Variants in ADGB observed in about 807,000 individuals in gnomAD.
ADGB encodes the protein androglobin.
A neutral mutation model predicts 210.5 loss-of-function variants in ADGB; 172 were observed. The observed-to-expected ratio is 0.82, with a 90% CI of 0.72 to 0.93. ADGB has a LOEUF of 0.93. Ranked by LOEUF, ADGB falls within the 40% of genes least tolerant of loss-of-function variation. The pLI is 0.00. For missense variants in ADGB, 2,025 were observed against 1,964.8 expected (o/e 1.03, Z -0.58); for synonymous variants, 658 against 662.7 (o/e 0.99, Z 0.11).
At chr6:146,781,171 C>CAAAAAAA (rs71031009) in intron 29 of ADGB, among the ~76,000 whole-genome samples, 4 of 90,980 alleles carry the variant, frequency 4.4e-5, no homozygotes, top group Non-Finnish European at 6.3e-5. Context: ...ACTAAAAATA[C>CAAAAAAA]AAAAAAAAAA....
intron 14 of ADGB, 88 bp downstream of exon 14, chr6:146,715,503 T>C: frequency 1.1e-6 from 1 of 871,852 alleles, no homozygotes; most frequent in East Asian, 3.1e-5. Flanking sequence ...CCCTTCTGGC[T>C]CTCAGCAGCC....
In ADGB at chr6:146,717,524, T is replaced by C; in HGVS notation, c.1929-12T>C. On this transcript the variant is annotated splice_polypyrimidine_tract_variant and intron_variant, in intron 15 of 35. Transcript: ENST00000397944. Reference sequence around the variant, plus strand: ...TAATGACAATAACCTGTTAAAAATGTCTTTCTTTCAGAAATATATATATTT... The same window carrying C: ...TAATGACAATAACCTGTTAAAAATGCCTTTCTTTCAGAAATATATATATTT... The C allele has an allele frequency of 1.5e-6, 2 of 1,339,090 alleles. No individual in the cohort carries two copies. Among genetic ancestry groups the C allele is most frequent in the Non-Finnish European group, 2.0e-6 (2 of 978,190 alleles). 83.0% of individuals were successfully genotyped at this position (1,339,090 alleles called of 1,614,324 possible).
intron 35 of ADGB, chr6:146,802,668 C>T: frequency 4.5e-6 from 4 of 889,810 alleles, no homozygotes; most frequent in Non-Finnish European, 6.7e-6. Context: ...CATTATGTGG[C>T]TTTTTAAAAG....
intron 23 of ADGB, among the ~76,000 whole-genome samples, chr6:146,736,845 C>T (rs535884544): frequency 3.6e-4 from 55 of 152,158 alleles, no homozygotes; most frequent in African/African-American, 1.3e-3. Flanking sequence ...TTAAATCTTA[C>T]GGTACTGAGA....
chr6:146,660,295 C>T (rs1390827165), intron 5 of ADGB, among the ~76,000 whole-genome samples: 6 of 151,994 alleles, frequency 3.9e-5, no homozygotes, highest in Admixed American at 3.9e-4. Context: ...TACTTTGTTC[C>T]AAAATGGAAA....
At chr6:146,703,292 CAT>C (rs1776519197) in intron 13 of ADGB, among the ~76,000 whole-genome samples, 2 of 151,666 alleles carry the variant, frequency 1.3e-5, no homozygotes, top group African/African-American at 2.4e-5. Context: ...TAGTGTAAAA[CAT>C]GATGTTTTGA....
At position 146,656,753 on chromosome 6, in the gene ADGB, A is replaced by C; in HGVS notation, c.403-18A>C. On this transcript the variant is annotated intron_variant, in intron 4 of 35. Transcript: ENST00000397944. ...AACTGAAAAATAACCAATTAACCCT[A>C]ATGTTTTTTATCTCTAGCTGATGAG... is the stretch of plus-strand genomic sequence containing the variant. 6.7e-7 allele frequency: 1 copy of C among 1,485,482 alleles called. No individual in the cohort carries two copies. Among genetic ancestry groups the C allele is most frequent in the Non-Finnish European group, 9.0e-7 (1 of 1,110,126 alleles). 92.0% of individuals were successfully genotyped at this position (1,485,482 alleles called of 1,614,324 possible). A position where few individuals can be genotyped will look rare whatever the true frequency, so the allele number is the denominator to read the frequency against.
At chr6:146,660,365 G>C (rs1213149483) in intron 5 of ADGB, among the ~76,000 whole-genome samples, 1 of 152,090 alleles carries the variant, frequency 6.6e-6, no homozygotes, top group Non-Finnish European at 1.5e-5. Context: ...TTCAACTACT[G>C]TTAAAATGTT....
At chr6:146,740,235 T>C (rs989657082) in intron 23 of ADGB, among the ~76,000 whole-genome samples, 1 of 152,162 alleles carries the variant, frequency 6.6e-6, no homozygotes, top group Non-Finnish European at 1.5e-5. Context: ...TCAGATAACC[T>C]TGGGCACCTT....
At chr6:146,789,834 A>G (rs904304146) in intron 33 of ADGB, among the ~76,000 whole-genome samples, 1 of 152,194 alleles carries the variant, frequency 6.6e-6, no homozygotes, top group South Asian at 2.1e-4. Flanking sequence ...TAACTCACCC[A>G]AGGGCAGGAA....
intron 2 of ADGB, among the ~76,000 whole-genome samples, chr6:146,637,990 A>G (rs931120687): frequency 6.6e-6 from 1 of 152,044 alleles, no homozygotes; most frequent in Non-Finnish European, 1.5e-5. Context: ...AATCCTCAAC[A>G]AAATACTTGC....
chr6:146,657,802 A>G (rs78132939), intron 5 of ADGB, among the ~76,000 whole-genome samples: 362 of 152,322 alleles, frequency 2.4e-3, no homozygotes, highest in Middle Eastern at 6.8e-3. Context: ...GTTTTCATGT[A>G]AGCAAATCTT....
Position 146,788,556 on chromosome 6 carries a change from G to A in ADGB, c.4483G>A (p.Val1495Met). ...ATCCACGAGTAGCGAAAGTGGAGGA[G>A]TGTCTTCACCAGGGAAAGAAGAGCG... ...AKSTSSESGG[V>M]SSPGKEEREQ... Residue 1495 changes from valine to methionine, a missense_variant, in exon 33 of 36, where the codon GTG (valine) becomes ATG (methionine). By Grantham distance (21) the Val-to-Met change is conservative (BLOSUM62 1). Coordinates refer to ENST00000397944, the MANE Select transcript of ADGB (RefSeq NM_024694.4). 6.4e-7 allele frequency: 1 copy of A among 1,551,650 alleles called. No individual in the cohort carries two copies. The highest frequency in any genetic ancestry group is 1.2e-5 in the South Asian group (1 of 84,054).
chr6:146,739,612 G>A (rs553977295), intron 23 of ADGB, among the ~76,000 whole-genome samples: 1 of 152,216 alleles, frequency 6.6e-6, no homozygotes, highest in Admixed American at 6.5e-5. Flanking sequence ...GGACCACCAT[G>A]GCTTTGCTTT....
chr6:146,610,832 G>T (rs113494425), intron 1 of ADGB, among the ~76,000 whole-genome samples: 25 of 152,282 alleles, frequency 1.6e-4, no homozygotes, highest in African/African-American at 5.8e-4. Context: ...AATGTGCACT[G>T]GTGGTAAGTT....
At chr6:146,600,967 AATAAC>A (rs1780548741) in intron 1 of ADGB, among the ~76,000 whole-genome samples, 2 of 143,954 alleles carry the variant, frequency 1.4e-5, no homozygotes, top group Admixed American at 7.0e-5. Flanking sequence ...CACACACACA[AATAAC>A]TAAGTCACTG....
chr6:146,611,952 T>C (rs1361926973), intron 1 of ADGB, among the ~76,000 whole-genome samples: 1 of 152,194 alleles, frequency 6.6e-6, no homozygotes, highest in Non-Finnish European at 1.5e-5. Flanking sequence ...TGGCATATCC[T>C]GGGAAATGGC....
intron 12 of ADGB, among the ~76,000 whole-genome samples, chr6:146,694,644 A>C (rs4129313): frequency 1.3e-5 from 2 of 151,906 alleles, no homozygotes; most frequent in African/African-American, 2.4e-5. Context: ...AATATATAAA[A>C]CTCCTAAAAT....
rs1777538479 is a variant in ADGB, at chr6:146,764,013, T to A, written c.3663T>A (p.Ser1221Arg). The A allele has an allele frequency of 6.4e-7, 1 of 1,551,514 alleles. No individual in the cohort carries two copies. The highest frequency in any genetic ancestry group is 1.4e-5 in the African/African-American group (1 of 73,158). The change falls in exon 28 of 36, where the codon AGT (serine) becomes AGA (arginine). Residue 1221 changes from serine to arginine, a missense_variant. Ser to Arg is a moderately radical substitution (Grantham distance 110, BLOSUM62 -1). Coordinates refer to ENST00000397944, the MANE Select transcript of ADGB (RefSeq NM_024694.4). ...AATCCCCCAAGGGTAGAGCTGTAAG[T>A]GCAATACAAGACATTGGTCTACCCC... ...IQKSPKGRAV[S>R]AIQDIGLPLV...
Sources: gnomAD v4.1 joint callset for allele counts (sites outside exome capture counted in the v4.1 genomes callset) on GRCh38, gnomAD v4.1.1 for gene constraint, MANE v1.5 for transcripts, NCBI Gene and HGNC (gene_info 2026-07-23, HGNC 2026-07-21) for gene names.